The following CWF19L2 variants were observed in gnomAD, a reference collection of about 807,000 sequenced individuals.
CWF19L2 encodes CWF19-like protein 2.
CWF19L2 carries 98 observed loss-of-function variants against 111.7 expected under a neutral mutation model. That is an observed-to-expected ratio of 0.88 (90% confidence interval 0.75 to 1.04). CWF19L2 has a LOEUF of 1.04. CWF19L2 is among the 50% of genes least tolerant of loss of function. CWF19L2 has a pLI of 0.00. For missense variants in CWF19L2, 1,101 were observed against 1,051.4 expected, an observed-to-expected ratio of 1.05 and a Z score of -0.65; for synonymous variants, 351 against 342.9, an observed-to-expected ratio of 1.02 and a Z score of -0.26.
intron 11 of CWF19L2, among the ~76,000 whole-genome samples, chr11:107,391,336 G>T (rs1271614068): frequency 6.6e-6 from 1 of 152,116 alleles, no homozygotes; most frequent in East Asian, 1.9e-4. Flanking sequence ...TCTGCCATTT[G>T]AGGATACAAG....
At chr11:107,411,735 C>G (rs989418078) in intron 10 of CWF19L2, among the ~76,000 whole-genome samples, 13 of 152,070 alleles carry the variant, frequency 8.5e-5, no homozygotes, top group Non-Finnish European at 1.3e-4. Context: ...TTTAATGCCC[C>G]TTCGGATATT....
chr11:107,384,749 T>C (rs1386625935), intron 12 of CWF19L2, among the ~76,000 whole-genome samples: 1 of 152,216 alleles, frequency 6.6e-6, no homozygotes, highest in East Asian at 1.9e-4. Flanking sequence ...AACAGAAAGC[T>C]AAAAATATTT....
chr11:107,328,649 C>T (rs77861773), intron 17 of CWF19L2, among the ~76,000 whole-genome samples: 1 of 152,142 alleles, frequency 6.6e-6, no homozygotes, highest in Non-Finnish European at 1.5e-5. Flanking sequence ...GAAGAAAGGG[C>T]AATCTCCCAG....
chr11:107,348,724 C>T (rs941272699), intron 14 of CWF19L2: 4 of 289,314 alleles, frequency 1.4e-5, no homozygotes, highest in Non-Finnish European at 2.6e-5. Context: ...CAGTTTATTT[C>T]GTAGATAAAA....
intron 14 of CWF19L2, among the ~76,000 whole-genome samples, chr11:107,344,736 A>G (rs1860053131): frequency 6.6e-6 from 1 of 152,070 alleles, no homozygotes; most frequent in South Asian, 2.1e-4. Flanking sequence ...ACCTTTTTCA[A>G]CCTAGTTGAG....
At chr11:107,358,918 C>G (rs1364147571) in intron 12 of CWF19L2, among the ~76,000 whole-genome samples, 1 of 152,142 alleles carries the variant, frequency 6.6e-6, no homozygotes, top group Admixed American at 6.5e-5. Flanking sequence ...GGACTTAGAA[C>G]ACAATTAGAG....
intron 12 of CWF19L2, among the ~76,000 whole-genome samples, chr11:107,389,641 C>A (rs1860819417): frequency 6.6e-6 from 1 of 151,980 alleles, no homozygotes; most frequent in African/African-American, 2.4e-5. Flanking sequence ...AAGATTATTC[C>A]CAGATGCCTC....
chr11:107,415,526 A>G (rs564063146), intron 10 of CWF19L2, among the ~76,000 whole-genome samples: 1 of 152,334 alleles, frequency 6.6e-6, no homozygotes, highest in Admixed American at 6.5e-5. Context: ...TGAATTAATC[A>G]TAGACCAAAG....
chr11:107,349,851 T>A (rs1489916371), intron 13 of CWF19L2, among the ~76,000 whole-genome samples: 1 of 151,954 alleles, frequency 6.6e-6, no homozygotes, highest in Non-Finnish European at 1.5e-5. Context: ...ATCACAAACA[T>A]GTTCATGAAA....
At chr11:107,356,954 C>T (rs1176327311) in intron 12 of CWF19L2, among the ~76,000 whole-genome samples, 1 of 152,176 alleles carries the variant, frequency 6.6e-6, no homozygotes, top group East Asian at 1.9e-4. Context: ...AGGAGAATTG[C>T]TTGAACCCAG....
intron 12 of CWF19L2, among the ~76,000 whole-genome samples, chr11:107,378,496 T>C (rs1860629975): frequency 6.6e-6 from 1 of 152,126 alleles, no homozygotes; most frequent in African/African-American, 2.4e-5. Flanking sequence ...AAATCATCAT[T>C]CTCAGTAAAC....
chr11:107,446,992 C>T (rs1318813559), intron 3 of CWF19L2, among the ~76,000 whole-genome samples: 1 of 152,190 alleles, frequency 6.6e-6, no homozygotes, highest in African/African-American at 2.4e-5. Context: ...GAATTAACCA[C>T]ACCTCTAATT....
chr11:107,455,592 TC>T (rs1312311209), intron 2 of CWF19L2, 73 bp downstream of exon 2: 1 of 780,250 alleles, frequency 1.3e-6, no homozygotes, highest in Non-Finnish European at 2.0e-6. Context: ...ATAAAATTAT[TC>T]ATCCAATATT....
chr11:107,347,436 C>T (rs910874564), intron 14 of CWF19L2, among the ~76,000 whole-genome samples: 2 of 152,090 alleles, frequency 1.3e-5, no homozygotes, highest in African/African-American at 4.8e-5. Context: ...ATAACAACAA[C>T]AACAACAGCA....
Position 107,457,765 on chromosome 11 carries a change from T to C in CWF19L2, c.52A>G (p.Ile18Val), listed in dbSNP as rs770289453. ...CGGGTCTGTTCTTTCCGCTCTTCGATACTCTTCGCACTTTCAAATCTACCA... is the reference window on the plus strand; with the variant it reads ...CGGGTCTGTTCTTTCCGCTCTTCGACACTCTTCGCACTTTCAAATCTACCA... ...ASGRFESAKS[I>V]EERKEQTRNA... The change falls in exon 1 of 18, where the codon ATC (isoleucine) becomes GTC (valine). Residue 18 changes from isoleucine to valine, a missense_variant. Coordinates refer to ENST00000282251, the MANE Select transcript of CWF19L2 (RefSeq NM_152434.3). The C allele has an allele frequency of 2.4e-5, 38 of 1,551,792 alleles. No homozygotes were observed. Among genetic ancestry groups the C allele is most frequent in the Non-Finnish European group, 3.3e-5 (38 of 1,147,010 alleles).
At chr11:107,346,198 T>C (rs2134538436) in intron 14 of CWF19L2, among the ~76,000 whole-genome samples, 1 of 152,292 alleles carries the variant, frequency 6.6e-6, no homozygotes, top group Non-Finnish European at 1.5e-5. Flanking sequence ...TAGGACTGAT[T>C]TTGGAATATT....
chr11:107,374,577 TTC>T (rs1860568336), intron 12 of CWF19L2, among the ~76,000 whole-genome samples: 1 of 132,940 alleles, frequency 7.5e-6, no homozygotes, highest in African/African-American at 3.0e-5. Context: ...TGCTGAGAGA[TTC>T]TGTCACCACC....
intron 10 of CWF19L2, among the ~76,000 whole-genome samples, chr11:107,394,596 T>C (rs1331903059): frequency 2.0e-5 from 3 of 152,240 alleles, no homozygotes; most frequent in Non-Finnish European, 4.4e-5. Context: ...TCATTATTCA[T>C]TCATTCATCA....
chr11:107,354,369 A>G (rs534752542), intron 12 of CWF19L2, among the ~76,000 whole-genome samples: 22 of 152,284 alleles, frequency 1.4e-4, no homozygotes, highest in East Asian at 3.9e-4. Flanking sequence ...GTAAAGTTCT[A>G]TCTCCTGTGT....
Sources: allele counts gnomAD v4.1 joint callset (sites outside exome capture counted in the v4.1 genomes callset), GRCh38; gene constraint gnomAD v4.1.1; transcripts MANE v1.5; gene names NCBI Gene and HGNC (gene_info 2026-07-23, HGNC 2026-07-21).